Variants in CALN1 observed in about 807,000 individuals in gnomAD.
CALN1 encodes calcium-binding protein 8.
Under a neutral mutation model 30.6 loss-of-function variants are expected in CALN1, and 17 were observed. The observed-to-expected ratio is 0.56, with a 90% CI of 0.38 to 0.83. The LOEUF (loss-of-function observed/expected upper bound fraction) is 0.83, where lower values mean the gene tolerates loss of function less well. CALN1 is among the 40% of genes least tolerant of loss of function. CALN1 has a pLI of 0.00. For missense variants in CALN1, 291 were observed against 354.9 expected, an observed-to-expected ratio of 0.82 and a Z score of 1.45; for synonymous variants, 156 against 131.4, an observed-to-expected ratio of 1.19 and a Z score of -1.28.
intron 5 of CALN1, among the ~76,000 whole-genome samples, chr7:71,967,005 T>G (rs2129525950): frequency 6.6e-6 from 1 of 152,330 alleles, no homozygotes; most frequent in African/African-American, 2.4e-5. Context: ...TTCTTTGCCA[T>G]GATGTCATTG....
intron 5 of CALN1, among the ~76,000 whole-genome samples, chr7:71,970,236 T>C (rs1797728414): frequency 6.6e-6 from 1 of 152,168 alleles, no homozygotes; most frequent in African/African-American, 2.4e-5. Flanking sequence ...TATCACTATA[T>C]ATACAGGTTG....
chr7:72,346,264 T>C (rs942725721), intron 2 of CALN1, among the ~76,000 whole-genome samples: 10 of 152,206 alleles, frequency 6.6e-5, no homozygotes, highest in Admixed American at 1.3e-4. Context: ...GTGTTCTCTC[T>C]TTCCTCCTCC....
chr7:72,290,354 G>A (rs1585377787), intron 2 of CALN1, among the ~76,000 whole-genome samples: 2 of 152,244 alleles, frequency 1.3e-5, no homozygotes, highest in East Asian at 1.9e-4. Flanking sequence ...GGTGGTGGCA[G>A]CAACAGCTTC....
At chr7:72,271,575 A>AAATATATATATATATATATATATATAT in intron 3 of CALN1, among the ~76,000 whole-genome samples, 4 of 52,122 alleles carry the variant, frequency 7.7e-5, no homozygotes, top group Non-Finnish European at 1.2e-4. Flanking sequence ...AAAAAAAAAA[A>AAATATATATATATATATATATATATAT]ATATATATAT....
At chr7:72,079,523 A>C (rs1315718464) in intron 4 of CALN1, among the ~76,000 whole-genome samples, 1 of 152,128 alleles carries the variant, frequency 6.6e-6, no homozygotes, top group Non-Finnish European at 1.5e-5. Flanking sequence ...TGCCATTTTG[A>C]AAGTAATGGC....
chr7:72,425,099 T>C (rs893865078), intron 1 of CALN1, among the ~76,000 whole-genome samples: 2 of 151,896 alleles, frequency 1.3e-5, no homozygotes, highest in African/African-American at 4.8e-5. Context: ...AGGGGTAGGG[T>C]TTGTTTTTGC....
chr7:72,153,614 C>G (rs1787435253), intron 3 of CALN1, among the ~76,000 whole-genome samples: 1 of 151,840 alleles, frequency 6.6e-6, no homozygotes, highest in South Asian at 2.1e-4. Context: ...AGCCGGAGTT[C>G]AAGGCTGCAG....
At chr7:71,897,369 G>C (rs915305109) in intron 5 of CALN1, among the ~76,000 whole-genome samples, 5 of 152,146 alleles carry the variant, frequency 3.3e-5, no homozygotes, top group Non-Finnish European at 7.3e-5. Flanking sequence ...ATAATATTAA[G>C]TGCTGAGCTT....
At chr7:72,292,638 T>A (rs928875633) in intron 2 of CALN1, among the ~76,000 whole-genome samples, 1 of 151,100 alleles carries the variant, frequency 6.6e-6, no homozygotes, top group African/African-American at 2.4e-5. Flanking sequence ...CTGGCCAACA[T>A]GGTGAAATCC....
intron 3 of CALN1, among the ~76,000 whole-genome samples, chr7:72,126,490 C>T (rs1166105733): frequency 6.6e-6 from 1 of 152,162 alleles, no homozygotes; most frequent in Non-Finnish European, 1.5e-5. Context: ...TGGGTAGGTA[C>T]TTCTTTTCCT....
At chr7:72,452,278 G>A in the CALN1 span, among the ~76,000 whole-genome samples, 1 of 152,006 alleles carries the variant, frequency 6.6e-6, no homozygotes, top group Admixed American at 6.6e-5. Flanking sequence ...TGCAGCAGTG[G>A]TACAGTTTGG....
chr7:72,337,901 C>CA (rs2129558624), intron 2 of CALN1: 2 of 152,524 alleles, frequency 1.3e-5, no homozygotes, highest in South Asian at 4.1e-4. Context: ...TACAAATTCG[C>CA]AGACTGTCTG....
intron 3 of CALN1, among the ~76,000 whole-genome samples, chr7:72,177,536 G>A (rs188287850): frequency 6.6e-6 from 1 of 152,156 alleles, no homozygotes; most frequent in East Asian, 1.9e-4. Context: ...AGGCTGAGAA[G>A]GGCGGATCAC....
intron 3 of CALN1, among the ~76,000 whole-genome samples, chr7:72,206,424 A>G (rs1282920733): frequency 6.6e-6 from 1 of 152,154 alleles, no homozygotes; most frequent in Non-Finnish European, 1.5e-5. Context: ...TCGCTGTAAT[A>G]TTACTTCTGC....
At chr7:71,801,408 G>C (rs1027559095) in intron 6 of CALN1, among the ~76,000 whole-genome samples, 1 of 135,564 alleles carries the variant, frequency 7.4e-6, no homozygotes, top group Middle Eastern at 3.4e-3. Context: ...ATGTATGTAT[G>C]TATGTATGTA....
intron 6 of CALN1, among the ~76,000 whole-genome samples, chr7:71,798,127 G>C (rs1227257818): frequency 1.7e-4 from 6 of 35,612 alleles, no homozygotes; most frequent in East Asian, 1.7e-3. Flanking sequence ...CAGAGACAGA[G>C]AGAGAGAGAG....
intron 4 of CALN1, among the ~76,000 whole-genome samples, chr7:72,045,954 G>T (rs1395337052): frequency 6.8e-6 from 1 of 146,048 alleles, no homozygotes; most frequent in East Asian, 2.1e-4. Flanking sequence ...AGCTGAGATC[G>T]TGCCATTGCA....
intron 3 of CALN1, among the ~76,000 whole-genome samples, chr7:72,191,351 C>T (rs933651314): frequency 6.6e-4 from 101 of 151,982 alleles, no homozygotes; most frequent in African/African-American, 2.0e-3. Flanking sequence ...ACTGTAATTT[C>T]CACACTTTGG....
At chr7:72,189,627 G>T (rs184876456) in intron 3 of CALN1, among the ~76,000 whole-genome samples, 101 of 152,128 alleles carry the variant, frequency 6.6e-4, no homozygotes, top group Non-Finnish European at 1.4e-3. Context: ...ATAAAAATTA[G>T]CATGGTGGCC....
Sources: gnomAD v4.1 joint callset for allele counts (sites outside exome capture counted in the v4.1 genomes callset) on GRCh38, gnomAD v4.1.1 for gene constraint, MANE v1.5 for transcripts, NCBI Gene and HGNC (gene_info 2026-07-23, HGNC 2026-07-21) for gene names.